The following DAB1 variants were observed in gnomAD, a reference collection of about 807,000 sequenced individuals.
The protein encoded by DAB1 is DAB adaptor protein 1.
DAB1 carries 15 observed loss-of-function variants against 64.6 expected under a neutral mutation model. That is an observed-to-expected ratio of 0.23 (90% CI 0.16 to 0.36). The LOEUF (loss-of-function observed/expected upper bound fraction) is 0.36, where lower values mean the gene tolerates loss of function less well. DAB1 is among the 10% of genes least tolerant of loss of function. DAB1 has a pLI of 1.00. For missense variants in DAB1, 596 were observed against 706.7 expected (o/e 0.84, Z 1.78); for synonymous variants, 235 against 251.9 (o/e 0.93, Z 0.64).
Position 57,153,630 on chromosome 1 carries a change from T to TTTG in DAB1, c.68-8202_68-8201insCAA, listed in dbSNP as rs1553149396. ...AGTAGGTATATGTATGGGGTTTTTTTTTTGTTTGTTTGTTTGTTTGTTTTT... is the reference window on the plus strand; with the variant it reads ...AGTAGGTATATGTATGGGGTTTTTTTTTGTTTGTTTGTTTGTTTGTTTGTTTTT... On this transcript the variant is annotated intron_variant, in intron 2 of 14. Transcript: ENST00000371236. Among the ~76,000 whole-genome samples the TTTG allele has an allele frequency of 3.8e-3, 197 of 52,094 alleles. 2 individuals carry two copies. Among genetic ancestry groups the TTTG allele is most frequent in the South Asian group, 0.02 (51 of 2,608 alleles). The allele number at this position is 52,094 out of a possible 152,430, so 34.2% of individuals were successfully genotyped here.
intron 4 of DAB1, among the ~76,000 whole-genome samples, chr1:58,239,156 A>C (rs1322090088): frequency 1.3e-5 from 2 of 152,156 alleles, no homozygotes; most frequent in African/African-American, 4.8e-5. Flanking sequence ...TGCAACTAAG[A>C]ACCTAATTGA....
At chr1:58,426,701 T>A (rs2100231877) in intron 3 of DAB1, among the ~76,000 whole-genome samples, 1 of 151,990 alleles carries the variant, frequency 6.6e-6, no homozygotes, top group East Asian at 2.1e-4. Flanking sequence ...CACCTTCTTG[T>A]ATTCCTGCAG....
intron 9 of DAB1, among the ~76,000 whole-genome samples, chr1:57,055,939 T>C (rs1388816951): frequency 6.6e-6 from 1 of 152,186 alleles, no homozygotes; most frequent in Non-Finnish European, 1.5e-5. Context: ...AGCCCACAGC[T>C]ATTAAATTCT....
At chr1:58,433,844 A>G (rs528232223) in intron 3 of DAB1, among the ~76,000 whole-genome samples, 1 of 152,196 alleles carries the variant, frequency 6.6e-6, no homozygotes, top group East Asian at 1.9e-4. Context: ...TATTGGGTAT[A>G]AATTTTTTAG....
At chr1:58,433,757 T>C (rs964621112) in intron 3 of DAB1, among the ~76,000 whole-genome samples, 7 of 152,058 alleles carry the variant, frequency 4.6e-5, no homozygotes, top group Non-Finnish European at 1.0e-4. Context: ...CCTGAAAGAA[T>C]AGTATTAACT....
intron 6 of DAB1, among the ~76,000 whole-genome samples, chr1:57,713,044 C>T (rs1217952548): frequency 6.6e-6 from 1 of 152,166 alleles, no homozygotes; most frequent in Non-Finnish European, 1.5e-5. Context: ...GCTCCAGGGC[C>T]TCTAATCTGC....
At chr1:57,537,635 T>C (rs142445182) in intron 7 of DAB1, among the ~76,000 whole-genome samples, 282 of 152,306 alleles carry the variant, frequency 1.9e-3, no homozygotes, top group African/African-American at 6.6e-3. Context: ...ACCCCAGTGC[T>C]TATCATATGC....
intron 6 of DAB1, among the ~76,000 whole-genome samples, chr1:57,745,880 T>C (rs1316581721): frequency 5.3e-5 from 8 of 152,226 alleles, no homozygotes; most frequent in Non-Finnish European, 1.0e-4. Context: ...CTATTATTTA[T>C]ACATTTTATG....
At chr1:58,485,256 A>AAAAT (rs1645557772) in intron 3 of DAB1, among the ~76,000 whole-genome samples, 2 of 145,122 alleles carry the variant, frequency 1.4e-5, no homozygotes, top group East Asian at 4.0e-4. Context: ...AAAAAAAAAA[A>AAAAT]GCTGGCCTGG....
intron 6 of DAB1, among the ~76,000 whole-genome samples, chr1:57,674,348 C>T (rs1646541902): frequency 2.0e-5 from 3 of 152,130 alleles, no homozygotes; most frequent in African/African-American, 7.2e-5. Flanking sequence ...TCAGAGAGGC[C>T]TCGTAACTGA....
chr1:57,011,696 A>G (rs1646270243), intron 12 of DAB1, among the ~76,000 whole-genome samples: 1 of 152,242 alleles, frequency 6.6e-6, no homozygotes, highest in African/African-American at 2.4e-5. Flanking sequence ...TCTGTGTTTC[A>G]TCAGAGGGCA....
chr1:57,218,438 G>A (rs1666588334), intron 2 of DAB1, among the ~76,000 whole-genome samples: 2 of 148,724 alleles, frequency 1.3e-5, no homozygotes, highest in South Asian at 2.1e-4. Flanking sequence ...CCCAAACTTT[G>A]GGAAGCTGAG....
intron 7 of DAB1, among the ~76,000 whole-genome samples, chr1:57,565,417 A>T (rs1275828962): frequency 6.6e-6 from 1 of 152,222 alleles, no homozygotes; most frequent in Non-Finnish European, 1.5e-5. Context: ...AAATTCACAC[A>T]TAACAATATT....
chr1:57,007,606 T>C (rs1439586146), intron 14 of DAB1, among the ~76,000 whole-genome samples: 3 of 152,212 alleles, frequency 2.0e-5, no homozygotes, highest in African/African-American at 7.2e-5. Flanking sequence ...CCTGTGGGGA[T>C]TGAGTCCGTC....
rs555923092 is a variant in DAB1 at position 58,456,454 on chromosome 1, T to G, written n.257+49606A>C. 3.3e-5 allele frequency among the ~76,000 whole-genome samples: 5 copies of G among 152,272 alleles called. No homozygotes were observed. In the South Asian group the frequency reaches 6.2e-4, roughly 19 times the overall value. ...AAAGAACTCAGAAATGCATTAACTA[T>G]GGTCCGAAGCAGAGCAGGCAGGGGT... On this transcript the variant is annotated intron_variant and non_coding_transcript_variant, in intron 3 of 20. Transcript: ENST00000485760.
chr1:57,559,575 C>A (rs910820860), intron 7 of DAB1, among the ~76,000 whole-genome samples: 3 of 152,128 alleles, frequency 2.0e-5, no homozygotes, highest in Non-Finnish European at 2.9e-5. Context: ...ATCATTGTGA[C>A]CCTCCAGTTA....
At chr1:57,552,758 GC>G (rs1299157520) in intron 7 of DAB1, among the ~76,000 whole-genome samples, 8 of 152,122 alleles carry the variant, frequency 5.3e-5, no homozygotes, top group Non-Finnish European at 1.0e-4. Flanking sequence ...TGGCTAGTGA[GC>G]AAGTACTTTA....
At chr1:58,261,988 C>T (rs777352011) in intron 4 of DAB1, among the ~76,000 whole-genome samples, 1 of 152,158 alleles carries the variant, frequency 6.6e-6, no homozygotes, top group East Asian at 1.9e-4. Context: ...ATCCAAGCAA[C>T]GGAGTCTGAA....
chr1:58,096,439 T>C (rs1457106959), intron 5 of DAB1, among the ~76,000 whole-genome samples: 3 of 152,228 alleles, frequency 2.0e-5, no homozygotes, highest in Non-Finnish European at 4.4e-5. Flanking sequence ...TGCTTTGTGA[T>C]AGCTGTTTCA....
Sources: gnomAD v4.1 joint callset for allele counts (sites outside exome capture counted in the v4.1 genomes callset) on GRCh38, gnomAD v4.1.1 for gene constraint, MANE v1.5 for transcripts, NCBI Gene and HGNC (gene_info 2026-07-23, HGNC 2026-07-21) for gene names.